The following KATNA1 variants were observed in gnomAD, a reference collection of about 807,000 sequenced individuals.
The protein encoded by KATNA1 is katanin catalytic subunit A1.
KATNA1 carries 42 observed loss-of-function variants against 62.6 expected under a neutral mutation model. The ratio of observed to expected loss-of-function variants is 0.67; its 90% CI spans 0.52 to 0.87. KATNA1 has a LOEUF of 0.87. KATNA1 is among the 40% of genes least tolerant of loss of function. The pLI is 0.00. For synonymous variants in KATNA1, 186 were observed against 201.9 expected (o/e 0.92, Z 0.67); for missense variants, 498 against 612.5 (o/e 0.81, Z 1.97).
intron 4 of KATNA1, among the ~76,000 whole-genome samples, chr6:149,619,100 G>C (rs1400197410): frequency 1.3e-5 from 2 of 152,010 alleles, no homozygotes; most frequent in Admixed American, 1.3e-4. Context: ...TTAATATCCA[G>C]AATATACAAA....
At chr6:149,610,839 G>A (rs924626529) in intron 4 of KATNA1, among the ~76,000 whole-genome samples, 3 of 152,160 alleles carry the variant, frequency 2.0e-5, no homozygotes, top group Non-Finnish European at 4.4e-5. Flanking sequence ...TGGGCGATAA[G>A]AGTGAGACTC....
chr6:149,599,025 A>G (rs1778431657), intron 7 of KATNA1, among the ~76,000 whole-genome samples: 1 of 151,764 alleles, frequency 6.6e-6, no homozygotes, highest in African/African-American at 2.4e-5. Context: ...CCACCACACC[A>G]GGCTTATTTT....
intron 4 of KATNA1, among the ~76,000 whole-genome samples, chr6:149,607,062 T>C (rs1295674074): frequency 6.6e-6 from 1 of 152,264 alleles, no homozygotes; most frequent in East Asian, 1.9e-4. Context: ...TGTACCTGAC[T>C]ATCAGGAACA....
At position 149,603,312 on chromosome 6, in the gene KATNA1, T is replaced by C. The variant is rs372332577; in HGVS notation, c.685A>G (p.Met229Val). 4.0e-5 allele frequency: 64 copies of C among 1,599,654 alleles called. No homozygotes were observed. The highest frequency in any genetic ancestry group is 1.1e-4 in the African/African-American group (8 of 74,524). The change falls in exon 6 of 11, where the codon ATG becomes GTG. Residue 229 changes from methionine (M) to valine (V), a missense_variant. Coordinates refer to ENST00000367411, the MANE Select transcript of KATNA1 (RefSeq NM_007044.4). ...KLLKEAVVLP[M>V]WMPEFFKGIR... ...CCCTTAAAGAATTCGGGCATCCACA[T>C]TGGTAACACTACGGCTTCCTTAAGC... is the stretch of plus-strand genomic sequence containing the variant.
intron 1 of KATNA1, among the ~76,000 whole-genome samples, chr6:149,639,286 A>G (rs1780194391): frequency 1.3e-5 from 2 of 151,956 alleles, no homozygotes; most frequent in South Asian, 4.2e-4. Flanking sequence ...GAGATGGAGC[A>G]AGACTCTGTT....
At position 149,601,638 on chromosome 6, in the gene KATNA1, AT is replaced by A. The variant is rs749895469; in HGVS notation, c.843del (p.Lys281AsnfsTer30). ...ACAAGCTTCTCAGATTCTCCTCTGT[AT>A]TTGGAAGTCAAAGTTGATGAAGAGA... ...FNVSSSTLTS[K>X]YRGESEKLVR... On this transcript the variant is annotated frameshift_variant, in exon 7 of 11. Coordinates refer to ENST00000367411, the MANE Select transcript of KATNA1 (RefSeq NM_007044.4). LOFTEE classifies it high-confidence loss of function. The A allele has an allele frequency of 6.2e-7, 1 of 1,612,700 alleles. No homozygotes were observed. Among genetic ancestry groups the A allele is most frequent in the South Asian group, 1.1e-5 (1 of 90,776 alleles).
chr6:149,631,181 C>T (rs1262516042), intron 3 of KATNA1, among the ~76,000 whole-genome samples: 3 of 152,024 alleles, frequency 2.0e-5, no homozygotes, highest in South Asian at 2.1e-4. Flanking sequence ...GGGTGAATCA[C>T]GAGGTCAGGA....
Position 149,597,570 on chromosome 6 carries a change from A to G in KATNA1, c.1087T>C (p.Trp363Arg). Reference sequence around the variant, plus strand: ...CGTCTTAAAGCCTCATCTATATCCCAGGGAAAATTAGTAGCTGCCAGAACC... The same window carrying G: ...CGTCTTAAAGCCTCATCTATATCCCGGGGAAAATTAGTAGCTGCCAGAACC... ...VMVLAATNFP[W>R]DIDEALRRRL... The change falls in exon 9 of 11, where the codon TGG (tryptophan) becomes CGG (arginine). Residue 363 changes from tryptophan to arginine, a missense_variant. Trp to Arg is a moderately radical substitution (Grantham distance 101). Coordinates refer to ENST00000367411, the MANE Select transcript of KATNA1 (RefSeq NM_007044.4). The G allele has an allele frequency of 6.2e-7, 1 of 1,614,032 alleles. No homozygotes were observed. The highest frequency in any genetic ancestry group is 8.5e-7 in the Non-Finnish European group (1 of 1,179,906).
intron 4 of KATNA1, among the ~76,000 whole-genome samples, chr6:149,618,202 G>T (rs1353500872): frequency 6.7e-6 from 1 of 150,372 alleles, no homozygotes; most frequent in African/African-American, 2.4e-5. Context: ...AATTGGTTGG[G>T]CACAGTGGCT....
intron 5 of KATNA1, among the ~76,000 whole-genome samples, chr6:149,604,195 G>A (rs533887094): frequency 1.3e-5 from 2 of 152,270 alleles, no homozygotes; most frequent in African/African-American, 4.8e-5. Flanking sequence ...GCCTTGGCCA[G>A]GTGCAAAGGC....
rs1778346885 is a variant in KATNA1, at chr6:149,597,062, C to T, written c.1277+1G>A. ...ACCTATGCTTCCATGATAATTCATA[C>T]CTGCACACGTTGGTAATGTCCGCAC... is the stretch of plus-strand genomic sequence containing the variant. On this transcript the variant is annotated splice_donor_variant, in intron 10 of 10. Coordinates refer to ENST00000367411, the MANE Select transcript of KATNA1 (RefSeq NM_007044.4). LOFTEE classifies it high-confidence loss of function. 1 of 1,613,256 alleles carries T rather than the reference C, an allele frequency of 6.2e-7. No homozygotes were observed. The highest frequency in any genetic ancestry group is 8.5e-7 in the Non-Finnish European group (1 of 1,179,762).
At chr6:149,617,173 G>A (rs1206780793) in intron 4 of KATNA1, among the ~76,000 whole-genome samples, 1 of 152,172 alleles carries the variant, frequency 6.6e-6, no homozygotes, top group Non-Finnish European at 1.5e-5. Flanking sequence ...TAAGAATGAT[G>A]ACTTTAATGG....
At chr6:149,628,886 A>C (rs1779726079) in intron 3 of KATNA1, among the ~76,000 whole-genome samples, 1 of 152,140 alleles carries the variant, frequency 6.6e-6, no homozygotes, top group East Asian at 1.9e-4. Flanking sequence ...ACTAATAGAA[A>C]AATAAAAAGA....
chr6:149,609,825 G>A (rs990482225), intron 4 of KATNA1, among the ~76,000 whole-genome samples: 4 of 99,328 alleles, frequency 4.0e-5, no homozygotes, highest in African/African-American at 1.6e-4. Flanking sequence ...AATAGGCCAG[G>A]TGCGGTGGCT....
chr6:149,639,984 G>A (rs932425986), intron 1 of KATNA1, among the ~76,000 whole-genome samples: 1 of 152,154 alleles, frequency 6.6e-6, no homozygotes, highest in African/African-American at 2.4e-5. Flanking sequence ...TTAGCAGAAG[G>A]CGTATGTATT....
chr6:149,602,598 GA>G, intron 6 of KATNA1, among the ~76,000 whole-genome samples: 1 of 151,958 alleles, frequency 6.6e-6, no homozygotes, highest in South Asian at 2.1e-4. Flanking sequence ...TTAATTTATT[GA>G]GAACAATCCC....
chr6:149,625,525 G>A (rs1469330843), intron 3 of KATNA1, among the ~76,000 whole-genome samples: 2 of 152,038 alleles, frequency 1.3e-5, no homozygotes, highest in African/African-American at 4.8e-5. Flanking sequence ...AGCTACTCAG[G>A]AGGCTGAGGC....
intron 3 of KATNA1, among the ~76,000 whole-genome samples, chr6:149,624,008 C>A (rs2114579377): frequency 6.6e-6 from 1 of 152,182 alleles, no homozygotes; most frequent in East Asian, 1.9e-4. Context: ...TAATTTGGTA[C>A]CATTTATTTA....
chr6:149,613,566 C>T lies in KATNA1; in HGVS notation c.502-8784G>A, dbSNP rs73781283. Among the ~76,000 whole-genome samples the T allele has an allele frequency of 4.0e-3, 603 of 152,162 alleles. 4 individuals are homozygous for T. The highest frequency in any genetic ancestry group is 0.014 in the African/African-American group (565 of 41,540). On this transcript the variant is annotated intron_variant, in intron 4 of 10. Coordinates refer to ENST00000367411, the MANE Select transcript of KATNA1 (RefSeq NM_007044.4). ...TAAAAATCAATTATTGGGACAGGATCGTGGAAGACTGACAGAGTAGGAAGC... is the reference window on the plus strand; with the variant it reads ...TAAAAATCAATTATTGGGACAGGATTGTGGAAGACTGACAGAGTAGGAAGC...
Sources: allele counts gnomAD v4.1 joint callset (sites outside exome capture counted in the v4.1 genomes callset), GRCh38; gene constraint gnomAD v4.1.1; transcripts MANE v1.5; gene names NCBI Gene and HGNC (gene_info 2026-07-23, HGNC 2026-07-21).